ALG10: variants seen among roughly 807,000 people sequenced by gnomAD.
ALG10 encodes the protein dol-P-Glc:Glc(2)Man(9)GlcNAc(2)-PP-Dol alpha-1,2-glucosyltransferase A.
A neutral mutation model predicts 39.2 loss-of-function variants in ALG10; 25 were observed. The ratio of observed to expected loss-of-function variants is 0.64; its 90% CI spans 0.46 to 0.89. ALG10 has a LOEUF of 0.89. ALG10 is among the 40% of genes least tolerant of loss of function. ALG10 has a pLI of 0.00. For synonymous variants in ALG10, 184 were observed against 193.9 expected, an observed-to-expected ratio of 0.95 and a Z score of 0.42; for missense variants, 486 against 546.6, an observed-to-expected ratio of 0.89 and a Z score of 1.11.
In ALG10 at chr12:34,026,280, C is replaced by A. The variant is rs754362689; in HGVS notation, c.787C>A (p.Leu263Met). The A allele has an allele frequency of 2.5e-6, 4 of 1,613,916 alleles. No homozygotes were observed. Among genetic ancestry groups the A allele is most frequent in the Non-Finnish European group, 3.4e-6 (4 of 1,179,972 alleles). The stretch of plus-strand genomic sequence containing the variant: ...TTGGCCCTACATCCTTCTGGGATTT[C>A]TGTTTTGTGCTTTTGTAGTAGTTAA... ...LTWPYILLGF[L>M]FCAFVVVNGG... Residue 263 changes from leucine (L) to methionine (M), a missense_variant, in exon 3 of 3, where the codon CTG (leucine) becomes ATG (methionine). Physicochemically the swap from Leu to Met is conservative, Grantham distance 15 (BLOSUM62 2). Coordinates refer to ENST00000266483, the MANE Select transcript of ALG10 (RefSeq NM_032834.4).
At chr12:34,022,836 C>G in intron 1 of ALG10, 66 bp downstream of exon 1, 1 of 1,607,420 alleles carries the variant, frequency 6.2e-7, no homozygotes, top group South Asian at 1.1e-5. Flanking sequence ...CCACGTCCTC[C>G]CATCCTTAGA....
At position 34,026,563 on chromosome 12, in the gene ALG10, A is replaced by G. The variant is rs770321353; in HGVS notation, c.1070A>G (p.Tyr357Cys). The part of the protein sequence containing the change: ...LLADNRHYTF[Y>C]VWKRVFQRYE... ...GCAGACAATAGACATTATACTTTCT[A>G]TGTGTGGAAAAGAGTTTTTCAAAGA... Residue 357 changes from tyrosine (Y) to cysteine (C), a missense_variant, in exon 3 of 3, where the codon TAT becomes TGT. By Grantham distance (194) the Tyr-to-Cys change is radical. Transcript: ENST00000266483. 5.6e-6 allele frequency: 9 copies of G among 1,613,576 alleles called. No homozygotes were observed. Among genetic ancestry groups the G allele is most frequent in the Admixed American group, 5.0e-5 (3 of 59,932 alleles).
At chr12:34,022,486 C>G, upstream of ALG10, 1 of 1,546,758 alleles carries the variant, frequency 6.5e-7, no homozygotes, top group Non-Finnish European at 8.9e-7. Context: ...GTATGTGGCC[C>G]CGTCTGGCTA....
intron 1 of ALG10, 125 bp downstream of exon 1, chr12:34,022,895 C>T: frequency 2.3e-6 from 3 of 1,313,808 alleles, no homozygotes; most frequent in Non-Finnish European, 3.2e-6. Flanking sequence ...ATGAAAGAAA[C>T]TGGGTATAGT....
chr12:34,024,645 A>G lies in ALG10; in HGVS notation c.369+486A>G, dbSNP rs536480828. The stretch of plus-strand genomic sequence containing the variant: ...CCTTAGTGGCTCCATGTCTTCATGT[A>G]TTAAATAAGAATAACAATAGAATCT... On this transcript the variant is annotated intron_variant, in intron 2 of 2. Transcript: ENST00000266483. Among the ~76,000 whole-genome samples, 8 of 152,304 alleles carry G rather than the reference A, an allele frequency of 5.3e-5. No individual in the cohort carries two copies. In the South Asian group the frequency reaches 6.2e-4, roughly 12 times the overall value.
upstream of ALG10, chr12:34,022,428 G>A (rs549096252): frequency 4.3e-5 from 45 of 1,043,498 alleles, no homozygotes; most frequent in East Asian, 3.6e-4. Context: ...GGGAAACAGC[G>A]ACCCGATCTT....
At chr12:34,024,595 G>C (rs1455584191) in intron 2 of ALG10, among the ~76,000 whole-genome samples, 1 of 152,142 alleles carries the variant, frequency 6.6e-6, no homozygotes, top group African/African-American at 2.4e-5. Context: ...CACTTAACCA[G>C]TTTTGTTACC....
In ALG10 at chr12:34,026,611, T is replaced by C. The variant is rs373209005; in HGVS notation, c.1118T>C (p.Leu373Ser). 6.2e-7 allele frequency: 1 copy of C among 1,613,846 alleles called. No individual in the cohort carries two copies. Among genetic ancestry groups the C allele is most frequent in the African/African-American group, 1.3e-5 (1 of 74,930 alleles). The stretch of plus-strand genomic sequence containing the variant: ...AGATATGAAACTGTAAAATATTTGT[T>C]AGTTCCAGCCTATATATTTGCTGGT... ...FQRYETVKYL[L>S]VPAYIFAGWS... Residue 373 changes from leucine to serine, a missense_variant, in exon 3 of 3, where the codon TTA becomes TCA. By Grantham distance (145) the Leu-to-Ser change is moderately radical. Transcript: ENST00000266483.
At chr12:34,022,840 C>T (rs749938465) in intron 1 of ALG10, 70 bp downstream of exon 1, 54 of 1,603,290 alleles carry the variant, frequency 3.4e-5, no homozygotes, top group Non-Finnish European at 4.3e-5. Flanking sequence ...GTCCTCCCAT[C>T]CTTAGACTTC....
In ALG10 at chr12:34,026,845, C is replaced by G; in HGVS notation, c.1352C>G (p.Thr451Ser). The change falls in exon 3 of 3, where the codon ACT (threonine) becomes AGT (serine). Residue 451 changes from threonine to serine, a missense_variant. Thr to Ser is a moderately conservative substitution (Grantham distance 58). Transcript: ENST00000266483. ...TGCTATGCAGTTGTTAATTTCATAA[C>G]TTTTTTCATCTTTCTGAACAAGACT... is the stretch of plus-strand genomic sequence containing the variant. ...LSCYAVVNFI[T>S]FFIFLNKTFQ... The G allele has an allele frequency of 1.9e-6, 3 of 1,613,782 alleles. No homozygotes were observed. Among genetic ancestry groups the G allele is most frequent in the South Asian group, 2.2e-5 (2 of 91,056 alleles).
rs1942851212 is a variant in ALG10 at position 34,027,786 on chromosome 12, A to AG, written c.*873dup. 1 of 152,182 alleles carries AG rather than the reference A, an allele frequency of 6.6e-6. No homozygotes were observed. Among genetic ancestry groups the AG allele is most frequent in the Non-Finnish European group, 1.5e-5 (1 of 68,046 alleles). 9.4% of individuals were successfully genotyped at this position (152,182 alleles called of 1,614,324 possible). Reference sequence around the variant, plus strand: ...GAGTTGGTTCCTTCTGGAGGCTCTAAGGAAGAATCCATAAACAGACATTCT... The same window carrying AG: ...GAGTTGGTTCCTTCTGGAGGCTCTAAGGGAAGAATCCATAAACAGACATTCT... On this transcript the variant is annotated 3_prime_UTR_variant, in exon 3 of 3. Coordinates refer to ENST00000266483, the MANE Select transcript of ALG10 (RefSeq NM_032834.4).
rs1458024786 is a variant in ALG10, at chr12:34,023,962, T to C, written c.172T>C (p.Trp58Arg). Residue 58 changes from tryptophan (W) to arginine (R), a missense_variant and splice_region_variant, in exon 2 of 3, where the codon TGG (tryptophan) becomes CGG (arginine). By Grantham distance (101) the Trp-to-Arg change is moderately radical. Transcript: ENST00000266483. ...TACTTCATTTTCTTTCATTTTAAAG[T>C]GGGATCCCATGATTACTACATTACC... ...YCEGHFSLSQ[W>R]DPMITTLPGL... 6.2e-7 allele frequency: 1 copy of C among 1,614,084 alleles called. No individual in the cohort carries two copies. Among genetic ancestry groups the C allele is most frequent in the Non-Finnish European group, 8.5e-7 (1 of 1,179,946 alleles).
chr12:34,024,351 C>T (rs1481624546), intron 2 of ALG10, among the ~76,000 whole-genome samples, 192 bp downstream of exon 2: 1 of 152,194 alleles, frequency 6.6e-6, no homozygotes, highest in Non-Finnish European at 1.5e-5. Flanking sequence ...ACTTGAATAA[C>T]TTATTTGTAA....
At chr12:34,024,755 A>G (rs145541638) in intron 2 of ALG10, among the ~76,000 whole-genome samples, 1,835 of 152,384 alleles carry the variant, frequency 0.012, 132 homozygotes, top group Admixed American at 0.093. Flanking sequence ...GTAAGGGTTC[A>G]GTAAATATTA....
chr12:34,026,526 A>G lies in ALG10; in HGVS notation c.1033A>G (p.Lys345Glu), dbSNP rs750588248. 1.2e-6 allele frequency: 2 copies of G among 1,613,838 alleles called. No homozygotes were observed. Among genetic ancestry groups the G allele is most frequent in the Non-Finnish European group, 1.7e-6 (2 of 1,179,896 alleles). The change falls in exon 3 of 3, where the codon AAA (lysine) becomes GAA (glutamate). Residue 345 changes from lysine (K) to glutamate (E), a missense_variant. Physicochemically the swap from Lys to Glu is moderately conservative, Grantham distance 56 (BLOSUM62 1). Coordinates refer to ENST00000266483, the MANE Select transcript of ALG10 (RefSeq NM_032834.4). ...FLVWKFTYAHKYLLADNRHYT... is the reference protein window; with the variant it reads ...FLVWKFTYAHEYLLADNRHYT... ...AGTTTGGAAATTCACTTATGCTCAT[A>G]AATACTTGCTAGCAGACAATAGACA...
chr12:34,023,802 A>C (rs1942803999), intron 1 of ALG10, 160 bp from the exon 2 acceptor site: 4 of 1,011,762 alleles, frequency 4.0e-6, no homozygotes, highest in Non-Finnish European at 6.0e-6. Context: ...AAAAATAAGA[A>C]AAACGAATCC....
Position 34,022,712 on chromosome 12 carries a change from A to G in ALG10, c.113A>G (p.Glu38Gly). The stretch of plus-strand genomic sequence containing the variant: ...GCGTTGCGAGAGCCCTACATGGACG[A>G]GATCTTCCACCTGCCTCAGGCGCAG... ...SRALREPYMD[E>G]IFHLPQAQRY... The change falls in exon 1 of 3, where the codon GAG becomes GGG. Residue 38 changes from glutamate (E) to glycine (G), a missense_variant. By Grantham distance (98) the Glu-to-Gly change is moderately conservative. Transcript: ENST00000266483. The G allele has an allele frequency of 6.2e-7, 1 of 1,613,978 alleles. No homozygotes were observed. Among genetic ancestry groups the G allele is most frequent in the Non-Finnish European group, 8.5e-7 (1 of 1,180,002 alleles).
Position 34,025,026 on chromosome 12 carries a change from G to A in ALG10, c.370-837G>A, listed in dbSNP as rs374261837. On this transcript the variant is annotated intron_variant, in intron 2 of 2. Transcript: ENST00000266483. Reference sequence around the variant, plus strand: ...CAAACAACATAAGAAAAGGAAGAAAGGCATTGAACAACGAGTTGCAGGGAA... The same window carrying A: ...CAAACAACATAAGAAAAGGAAGAAAAGCATTGAACAACGAGTTGCAGGGAA... Among the ~76,000 whole-genome samples, 129 of 152,204 alleles carry A rather than the reference G, an allele frequency of 8.5e-4. No individual in the cohort carries two copies. In the East Asian group the frequency reaches 0.01, roughly 12 times the overall value.
At chr12:34,023,898 C>T in intron 1 of ALG10, 64 bp from the exon 2 acceptor site, 1 of 1,584,794 alleles carries the variant, frequency 6.3e-7, no homozygotes, top group East Asian at 2.2e-5. Context: ...TTGGGCTTGA[C>T]ATATTTGTGC....
Sources: gnomAD v4.1 joint callset for allele counts (sites outside exome capture counted in the v4.1 genomes callset) on GRCh38, gnomAD v4.1.1 for gene constraint, MANE v1.5 for transcripts, NCBI Gene and HGNC (gene_info 2026-07-23, HGNC 2026-07-21) for gene names.